Variants in HTT observed in about 807,000 individuals in gnomAD.
HTT encodes huntington disease protein.
In HTT, 104 loss-of-function variants were observed where a neutral mutation model predicts 362.3. The observed-to-expected ratio is 0.29, with a 90% CI of 0.24 to 0.34. The LOEUF is 0.34. HTT is among the 10% of genes least tolerant of loss of function. The pLI, the probability that HTT is intolerant of heterozygous loss-of-function variation, is 1.00. For missense variants in HTT, 3,301 were observed against 3,928.6 expected, an observed-to-expected ratio of 0.84 and a Z score of 4.27; for synonymous variants, 1,577 against 1,548.7, an observed-to-expected ratio of 1.02 and a Z score of -0.43.
At chr4:3,131,590 A>G in intron 15 of HTT, 48 bp from the exon 16 acceptor site, 1 of 1,603,870 alleles carries the variant, frequency 6.2e-7, no homozygotes, top group Non-Finnish European at 8.5e-7. Flanking sequence ...TCATTTGAAA[A>G]CAATCTGTTG....
At chr4:3,201,599 A>G (rs1719535326) in intron 41 of HTT, among the ~76,000 whole-genome samples, 4 of 152,104 alleles carry the variant, frequency 2.6e-5, no homozygotes, top group South Asian at 2.1e-4. Context: ...ATTTCAAAAA[A>G]TATCGTTCTT....
chr4:3,169,025 T>TCTTTCTTTC (rs74754368), intron 29 of HTT, among the ~76,000 whole-genome samples: 15 of 149,008 alleles, frequency 1.0e-4, no homozygotes, highest in African/African-American at 3.5e-4. Context: ...TTTCTTTCTT[T>TCTTTCTTTC]TTTTTTTTTT....
At chr4:3,236,382 A>T (rs1721531959) in intron 64 of HTT, 128 bp downstream of exon 64, 1 of 726,232 alleles carries the variant, frequency 1.4e-6, no homozygotes, top group Non-Finnish European at 2.5e-6. Flanking sequence ...TCCCCACCAC[A>T]GCCTGACCAT....
intron 2 of HTT, among the ~76,000 whole-genome samples, chr4:3,098,018 G>T (rs763456968): frequency 4.6e-5 from 7 of 152,110 alleles, no homozygotes; most frequent in Non-Finnish European, 1.0e-4. Context: ...AATACTTTGG[G>T]TGTATTGGGT....
rs563994420 is a variant in HTT, at chr4:3,239,211, C to G, written c.9215+233C>G. On this transcript the variant is annotated intron_variant, in intron 66 of 66. Coordinates refer to ENST00000355072, the MANE Select transcript of HTT (RefSeq NM_001388492.1). Reference sequence around the variant, plus strand: ...CCGGTGTATGGCAGGAGGGTCGCAGCTGAGGGGCCTTTCTGTGGAGGGCCT... The same window carrying G: ...CCGGTGTATGGCAGGAGGGTCGCAGGTGAGGGGCCTTTCTGTGGAGGGCCT... Among the ~76,000 whole-genome samples the G allele has an allele frequency of 2.0e-5, 3 of 152,290 alleles. No individual in the cohort carries two copies. The South Asian group carries it at 6.2e-4, about 32-fold the overall frequency.
At chr4:3,224,452 A>T (rs1396384823) in intron 56 of HTT, among the ~76,000 whole-genome samples, 1 of 152,248 alleles carries the variant, frequency 6.6e-6, no homozygotes. Flanking sequence ...GTTCATCTAC[A>T]CAAGCTGAAT....
In HTT at chr4:3,233,296, A is replaced by C. The variant is rs1334932926; in HGVS notation, c.8399A>C (p.Lys2800Thr). 6.2e-7 allele frequency: 1 copy of C among 1,610,692 alleles called. No homozygotes were observed. Among genetic ancestry groups the C allele is most frequent in the Non-Finnish European group, 8.5e-7 (1 of 1,177,716 alleles). The change falls in exon 61 of 67, where the codon AAG becomes ACG. Residue 2800 changes from lysine (K) to threonine (T), a missense_variant. Physicochemically the swap from Lys to Thr is moderately conservative, Grantham distance 78. Coordinates refer to ENST00000355072, the MANE Select transcript of HTT (RefSeq NM_001388492.1). ...TGCGACCTGCTGGACGACACTGCCA[A>C]GCAGCTCATCCCGGTCATCAGCGAC... is the stretch of plus-strand genomic sequence containing the variant. ...LECDLLDDTAKQLIPVISDYL... is the reference protein window; with the variant it reads ...LECDLLDDTATQLIPVISDYL...
At chr4:3,147,220 C>T (rs749260380) in intron 25 of HTT, among the ~76,000 whole-genome samples, 23 of 152,164 alleles carry the variant, frequency 1.5e-4, no homozygotes, top group Admixed American at 4.6e-4. Flanking sequence ...TAATGGGCAC[C>T]ATATGCCAGT....
At chr4:3,094,131 G>T (rs1450823734) in intron 2 of HTT, among the ~76,000 whole-genome samples, 1 of 151,686 alleles carries the variant, frequency 6.6e-6, no homozygotes, top group Non-Finnish European at 1.5e-5. Context: ...TAACGAGTAT[G>T]CTGCCTTCAA....
At chr4:3,151,792 G>A (rs1716904961) in intron 26 of HTT, among the ~76,000 whole-genome samples, 1 of 152,168 alleles carries the variant, frequency 6.6e-6, no homozygotes, top group Non-Finnish European at 1.5e-5. Flanking sequence ...ACATATGCAT[G>A]CACCTGTACA....
At chr4:3,144,678 T>C (rs1471019771) in intron 23 of HTT, among the ~76,000 whole-genome samples, 1 of 152,250 alleles carries the variant, frequency 6.6e-6, no homozygotes, top group Non-Finnish European at 1.5e-5. Flanking sequence ...AAATATTGTT[T>C]GGGCTGTCTG....
intron 65 of HTT, 87 bp from the exon 66 acceptor site, chr4:3,238,731 C>CCCCCCCCCCCCCCCCCCCCCCCCCCG: frequency 1.6e-6 from 1 of 636,696 alleles, no homozygotes; most frequent in Non-Finnish European, 2.6e-6. Context: ...ATGCCTCTGG[C>CCCCCCCCCCCCCCCCCCCCCCCCCCG]CCCCACCCCA....
At chr4:3,207,465 A>T (rs1328207682) in intron 45 of HTT, 108 bp downstream of exon 45, 2 of 917,716 alleles carry the variant, frequency 2.2e-6, no homozygotes, top group African/African-American at 3.3e-5. Context: ...TGTGCCTTAT[A>T]GGTGGGTTTA....
chr4:3,199,635 ACT>A, intron 40 of HTT, 95 bp from the exon 41 acceptor site: 1 of 1,063,832 alleles, frequency 9.4e-7, no homozygotes, highest in Non-Finnish European at 1.4e-6. Flanking sequence ...ATGGGAGACG[ACT>A]CAGCCTGTTT....
At position 3,140,456 on chromosome 4, in the gene HTT, C is replaced by T. The variant is rs914210809; in HGVS notation, c.2799-54C>T. The T allele has an allele frequency of 6.4e-6, 10 of 1,554,850 alleles. No homozygotes were observed. The African/African-American group carries it at 1.1e-4, about 17-fold the overall frequency. On this transcript the variant is annotated intron_variant, in intron 21 of 66. Coordinates refer to ENST00000355072, the MANE Select transcript of HTT (RefSeq NM_001388492.1). ...ATCTGCAGGGAGGAGGGTGGTCTATCACAGGTGAGTTTCATCTACTTTCTT... is the reference window on the plus strand; with the variant it reads ...ATCTGCAGGGAGGAGGGTGGTCTATTACAGGTGAGTTTCATCTACTTTCTT...
intron 1 of HTT, among the ~76,000 whole-genome samples, chr4:3,075,403 A>T (rs999556718): frequency 5.9e-5 from 9 of 152,178 alleles, no homozygotes; most frequent in African/African-American, 2.2e-4. Context: ...GGATGCGAAG[A>T]GTTGGGGCGA....
intron 2 of HTT, among the ~76,000 whole-genome samples, chr4:3,093,086 C>T (rs1052730579): frequency 5.3e-5 from 8 of 152,220 alleles, no homozygotes; most frequent in East Asian, 1.9e-4. Flanking sequence ...GAGGGAGCTC[C>T]GGAGACCTGC....
Position 3,172,388 on chromosome 4 carries a change from T to C in HTT, c.3933T>C (p.Cys1311=), listed in dbSNP as rs1440238913. The C allele has an allele frequency of 2.5e-6, 4 of 1,606,372 alleles. No individual in the cohort carries two copies. Among genetic ancestry groups the C allele is most frequent in the Non-Finnish European group, 3.4e-6 (4 of 1,172,880 alleles). Residue 1311 remains cysteine, a synonymous_variant, in exon 30 of 67, where the codon TGT becomes TGC. Coordinates refer to ENST00000355072, the MANE Select transcript of HTT (RefSeq NM_001388492.1). The stretch of plus-strand genomic sequence containing the variant: ...GAGAACCAATGATGGCAACTGTTTG[T>C]GTTCAACAAGTAAGAGCTTCATTCT... ...FSREPMMATV[C]VQQLLKTLFG...
At chr4:3,231,619 C>G (rs1265796792) in intron 60 of HTT, among the ~76,000 whole-genome samples, 2 of 152,068 alleles carry the variant, frequency 1.3e-5, no homozygotes, top group African/African-American at 2.4e-5. Flanking sequence ...TGTCCTTCAG[C>G]CTGGTGCCAT....
Sources: gnomAD v4.1 joint callset for allele counts (sites outside exome capture counted in the v4.1 genomes callset) on GRCh38, gnomAD v4.1.1 for gene constraint, MANE v1.5 for transcripts, NCBI Gene and HGNC (gene_info 2026-07-23, HGNC 2026-07-21) for gene names.